The following RTL4 variants were observed in gnomAD, a reference collection of about 807,000 sequenced individuals.
The protein encoded by RTL4 is retrotransposon Gag-like protein 4.
A neutral mutation model predicts 5.3 loss-of-function variants in RTL4; 4 were observed. The ratio of observed to expected loss-of-function variants is 0.75; its 90% CI spans 0.37 to 1.72. The LOEUF (loss-of-function observed/expected upper bound fraction) is 1.72, where lower values mean the gene tolerates loss of function less well. Among genes scored for constraint, RTL4 ranks in the 40% most tolerant of loss-of-function variants. The probability of loss-of-function intolerance (pLI) is 0.04; values close to 1 mark genes in which losing one functional copy is unlikely to be tolerated. For missense variants in RTL4, 260 were observed against 227.1 expected (o/e 1.14, Z -0.93); for synonymous variants, 98 against 87.3 (o/e 1.12, Z -0.68).
At chrX:112,415,090 G>A in the RTL4 span, among the ~76,000 whole-genome samples, 2 of 111,196 alleles carry the variant, frequency 1.8e-5, no homozygotes, top group Non-Finnish European at 3.8e-5. Flanking sequence ...GAAATAAAAT[G>A]TACATAAAAA....
the RTL4 span, among the ~76,000 whole-genome samples, chrX:112,423,814 TCAA>T: frequency 1.8e-5 from 2 of 112,127 alleles, no homozygotes; most frequent in African/African-American, 6.5e-5. Context: ...TTCCCTGGCT[TCAA>T]ATCCCTATTT....
At chrX:112,167,712 T>G in the RTL4 span, among the ~76,000 whole-genome samples, 1 of 109,043 alleles carries the variant, frequency 9.2e-6, no homozygotes, top group Non-Finnish European at 1.9e-5. Context: ...TCAATCCTGC[T>G]CATACTGTGT....
At chrX:112,453,852 G>A (rs1325494789), upstream of RTL4, among the ~76,000 whole-genome samples, 1 of 111,562 alleles carries the variant, frequency 9.0e-6, no homozygotes, top group Non-Finnish European at 1.9e-5. Context: ...ATCACATTCT[G>A]AGGAGCCAGG....
chrX:112,256,595 G>C, the RTL4 span, among the ~76,000 whole-genome samples: 20,121 of 110,865 alleles, frequency 0.18, 1,317 homozygotes, highest in African/African-American at 0.22. Context: ...ATGGATTAAC[G>C]TGGAAGAAAT....
chrX:112,348,796 A>T, the RTL4 span, among the ~76,000 whole-genome samples: 1 of 110,264 alleles, frequency 9.1e-6, no homozygotes, highest in Non-Finnish European at 1.9e-5. Flanking sequence ...TAGAAGTGAA[A>T]CAAAGTCAAT....
chrX:112,442,166 G>A, the RTL4 span, among the ~76,000 whole-genome samples: 1 of 111,394 alleles, frequency 9.0e-6, no homozygotes, highest in East Asian at 2.8e-4. Flanking sequence ...AGTAGTGAAA[G>A]AGTCTATATC....
chrX:112,381,914 A>G, the RTL4 span: 1 of 1,207,534 alleles, frequency 8.3e-7, no homozygotes, highest in African/African-American at 1.7e-5. Flanking sequence ...AGAGCTTAAT[A>G]TGAAGGCCCA....
At chrX:112,323,484 T>TTATTTTA in the RTL4 span, among the ~76,000 whole-genome samples, 7 of 110,701 alleles carry the variant, frequency 6.3e-5, no homozygotes, top group African/African-American at 2.3e-4. Context: ...TTTATTTTAT[T>TTATTTTA]TATTTTATAT....
At chrX:112,393,814 C>T in the RTL4 span, among the ~76,000 whole-genome samples, 3 of 111,934 alleles carry the variant, frequency 2.7e-5, no homozygotes, top group Non-Finnish European at 3.8e-5. Flanking sequence ...GTCACGGAAG[C>T]TGAGTCTACA....
At chrX:112,161,936 C>T in the RTL4 span, among the ~76,000 whole-genome samples, 1 of 106,312 alleles carries the variant, frequency 9.4e-6, no homozygotes, top group South Asian at 4.3e-4. Context: ...TATCCCCTCC[C>T]ATTCCAGATC....
At chrX:112,085,077 G>T in the RTL4 span, among the ~76,000 whole-genome samples, 3 of 112,542 alleles carry the variant, frequency 2.7e-5, no homozygotes, top group Non-Finnish European at 5.6e-5. Flanking sequence ...AGCTGACTTA[G>T]GCAGGGACCC....
At chrX:112,163,530 C>CT in the RTL4 span, among the ~76,000 whole-genome samples, 1 of 111,839 alleles carries the variant, frequency 8.9e-6, no homozygotes, top group Admixed American at 9.5e-5. Context: ...CATAGAATCC[C>CT]TGAGGCCTAC....
chrX:112,106,604 T>A, the RTL4 span, among the ~76,000 whole-genome samples: 1 of 112,126 alleles, frequency 8.9e-6, no homozygotes, highest in Admixed American at 9.4e-5. Flanking sequence ...TCCATACTGT[T>A]TTCCATAATG....
the RTL4 span, among the ~76,000 whole-genome samples, chrX:112,130,775 A>G: frequency 9.5e-6 from 1 of 105,216 alleles, no homozygotes; most frequent in Non-Finnish European, 1.9e-5. Context: ...ATCATTGATG[A>G]CACTTATGGG....
chrX:112,094,917 A>T, the RTL4 span, among the ~76,000 whole-genome samples: 7 of 111,359 alleles, frequency 6.3e-5, no homozygotes, highest in Non-Finnish European at 9.5e-5. Context: ...CTAGTTCAAG[A>T]GATTCTGCAG....
the RTL4 span, among the ~76,000 whole-genome samples, chrX:112,264,763 G>T: frequency 8.9e-6 from 1 of 111,867 alleles, no homozygotes; most frequent in Non-Finnish European, 1.9e-5. Flanking sequence ...GAATGCAGAA[G>T]GGGTCTGTGT....
the RTL4 span, among the ~76,000 whole-genome samples, chrX:112,357,775 T>C: frequency 1.8e-5 from 2 of 111,968 alleles, no homozygotes; most frequent in African/African-American, 6.5e-5. Flanking sequence ...ATGTCATGGC[T>C]AATTACCTCA....
the RTL4 span, among the ~76,000 whole-genome samples, chrX:112,184,554 C>A: frequency 8.9e-6 from 1 of 111,935 alleles, no homozygotes; most frequent in Admixed American, 9.4e-5. Flanking sequence ...GAAATCAATT[C>A]TAGTCCACGT....
chrX:112,353,772 A>T, the RTL4 span, among the ~76,000 whole-genome samples: 2 of 110,410 alleles, frequency 1.8e-5, no homozygotes, highest in Non-Finnish European at 3.8e-5. Context: ...AACATGGCAC[A>T]TGTATACATA....
Sources: gnomAD v4.1 joint callset for allele counts (sites outside exome capture counted in the v4.1 genomes callset) on GRCh38, gnomAD v4.1.1 for gene constraint, MANE v1.5 for transcripts, NCBI Gene and HGNC (gene_info 2026-07-23, HGNC 2026-07-21) for gene names.